The following WDR55 variants were observed in gnomAD, a reference collection of about 807,000 sequenced individuals.
WDR55 encodes WD repeat-containing protein 55.
A neutral mutation model predicts 34.0 loss-of-function variants in WDR55; 31 were observed. The observed-to-expected ratio is 0.91, with a 90% CI of 0.69 to 1.23. The LOEUF is 1.23. WDR55 is among the 50% of genes most tolerant of loss of function. WDR55 has a pLI of 0.00. For synonymous variants in WDR55, 164 were observed against 185.9 expected, an observed-to-expected ratio of 0.88 and a Z score of 0.96; for missense variants, 440 against 494.6, an observed-to-expected ratio of 0.89 and a Z score of 1.05.
intron 1 of WDR55, 73 bp from the exon 2 acceptor site, chr5:140,668,161 T>C: frequency 6.7e-7 from 1 of 1,487,354 alleles, no homozygotes; most frequent in Non-Finnish European, 9.0e-7. Context: ...GGCTGCTCTG[T>C]CTAGTTGGTC....
rs1042383882 is a variant in WDR55, at chr5:140,671,700, C to T, written c.*2046C>T. On this transcript the variant is annotated 3_prime_UTR_variant, in exon 7 of 7. Coordinates refer to ENST00000358337, the MANE Select transcript of WDR55 (RefSeq NM_017706.5). The stretch of plus-strand genomic sequence containing the variant: ...TGCTGGCGAAGTCGCTGCTTCAGGT[C>T]TGGCTTGAGCCACTCCACAGCCACC... 6.3e-7 allele frequency: 1 copy of T among 1,585,082 alleles called. No homozygotes were observed. Among genetic ancestry groups the T allele is most frequent in the Non-Finnish European group, 8.6e-7 (1 of 1,165,490 alleles).
Position 140,669,000 on chromosome 5 carries a change from G to A in WDR55, c.660+10G>A. 1 of 1,614,198 alleles carries A rather than the reference G, an allele frequency of 6.2e-7. No individual in the cohort carries two copies. Among genetic ancestry groups the A allele is most frequent in the Non-Finnish European group, 8.5e-7 (1 of 1,180,036 alleles). ...TGTCACTCTCATGAAAGTACAGCTG[G>A]TTATGGTGGGATGGAGGGGTGTGTG... On this transcript the variant is annotated intron_variant, in intron 5 of 6. Transcript: ENST00000358337.
intron 1 of WDR55, chr5:140,666,836 C>T (rs1401742325): frequency 2.0e-6 from 2 of 985,224 alleles, no homozygotes; most frequent in African/African-American, 3.5e-5. Flanking sequence ...AATCTGTCAT[C>T]GGTTTTGTTC....
At position 140,668,461 on chromosome 5, in the gene WDR55, G is replaced by A. The variant is rs1317318155; in HGVS notation, c.339G>A (p.Val113=). The change falls in exon 3 of 7, where the codon GTG becomes GTA. Residue 113 remains valine (V), a synonymous_variant. Coordinates refer to ENST00000358337, the MANE Select transcript of WDR55 (RefSeq NM_017706.5). ...ACAAAGCCATCCATGTTCTAGATGTGGAGCAGGGCCAACTGGAAAGACGTG... is the reference window on the plus strand; with the variant it reads ...ACAAAGCCATCCATGTTCTAGATGTAGAGCAGGGCCAACTGGAAAGACGTG... ...SKDKAIHVLD[V]EQGQLERRVS... is the part of the protein sequence containing the mutation. 1.2e-6 allele frequency: 2 copies of A among 1,614,108 alleles called. No homozygotes were observed. Among genetic ancestry groups the A allele is most frequent in the Non-Finnish European group, 1.7e-6 (2 of 1,180,060 alleles).
At chr5:140,665,401 G>C (rs1488406067) in intron 1 of WDR55, among the ~76,000 whole-genome samples, 1 of 152,088 alleles carries the variant, frequency 6.6e-6, no homozygotes, top group Non-Finnish European at 1.5e-5. Context: ...CTCTGTCGCC[G>C]AGGCTGGAGT....
rs1758097410 is a variant in WDR55 at position 140,672,166 on chromosome 5, GTT to G, written c.*2514_*2515del. On this transcript the variant is annotated 3_prime_UTR_variant, in exon 7 of 7. Coordinates refer to ENST00000358337, the MANE Select transcript of WDR55 (RefSeq NM_017706.5). Reference sequence around the variant, plus strand: ...CTTGAGCAAATCAATTTCTCTAACAGTTTCCTCATAGCTTGAGGGTCCTGTGC... The same window carrying G: ...CTTGAGCAAATCAATTTCTCTAACAGTCCTCATAGCTTGAGGGTCCTGTGC... The G allele has an allele frequency of 1.8e-6, 1 of 568,460 alleles. No homozygotes were observed. Among genetic ancestry groups the G allele is most frequent in the Admixed American group, 3.1e-5 (1 of 32,330 alleles). 35.2% of individuals were successfully genotyped at this position (568,460 alleles called of 1,614,324 possible).
At position 140,668,854 on chromosome 5, in the gene WDR55, G is replaced by C. The variant is rs1177702021; in HGVS notation, c.561-37G>C. 6 of 1,614,020 alleles carry C rather than the reference G, an allele frequency of 3.7e-6. No individual in the cohort carries two copies. In the Admixed American group the frequency reaches 6.7e-5, roughly 18 times the overall value. On this transcript the variant is annotated intron_variant, in intron 4 of 6. Coordinates refer to ENST00000358337, the MANE Select transcript of WDR55 (RefSeq NM_017706.5). Reference sequence around the variant, plus strand: ...CTGTGTGAAATGTCTTCCTCAAATAGACCTTGCGTCTAAGCCTACTGCTCT... The same window carrying C: ...CTGTGTGAAATGTCTTCCTCAAATACACCTTGCGTCTAAGCCTACTGCTCT...
rs1758029377 is a variant in WDR55, at chr5:140,669,856, G to A, written c.*202G>A. On this transcript the variant is annotated 3_prime_UTR_variant, in exon 7 of 7. Coordinates refer to ENST00000358337, the MANE Select transcript of WDR55 (RefSeq NM_017706.5). ...TTGTCCTTCCACCTTAGCCTCTGGA[G>A]CAGCTGGGACTACAGGTGTGCACTA... 3.3e-6 allele frequency: 2 copies of A among 601,284 alleles called. No homozygotes were observed. Among genetic ancestry groups the A allele is most frequent in the Non-Finnish European group, 5.8e-6 (2 of 344,330 alleles). 37.2% of individuals were successfully genotyped at this position (601,284 alleles called of 1,614,324 possible). A position where few individuals can be genotyped will look rare whatever the true frequency, so the allele number is the denominator to read the frequency against.
At position 140,670,432 on chromosome 5, in the gene WDR55, T is replaced by A; in HGVS notation, c.*778T>A. 6.7e-6 allele frequency: 1 copy of A among 149,548 alleles called. No homozygotes were observed. Among genetic ancestry groups the A allele is most frequent in the Non-Finnish European group, 1.5e-5 (1 of 67,724 alleles). 9.3% of individuals were successfully genotyped at this position (149,548 alleles called of 1,614,324 possible). On this transcript the variant is annotated 3_prime_UTR_variant, in exon 7 of 7. Coordinates refer to ENST00000358337, the MANE Select transcript of WDR55 (RefSeq NM_017706.5). Reference sequence around the variant, plus strand: ...GGCGTGATCTTGGCTCACTGCAACCTCCGCCTCCCGGGTTCAAGCAATTCT... The same window carrying A: ...GGCGTGATCTTGGCTCACTGCAACCACCGCCTCCCGGGTTCAAGCAATTCT...
At position 140,669,331 on chromosome 5, in the gene WDR55, AG is replaced by A; in HGVS notation, c.832del. The A allele has an allele frequency of 6.2e-7, 1 of 1,610,426 alleles. No homozygotes were observed. Among genetic ancestry groups the A allele is most frequent in the Non-Finnish European group, 8.5e-7 (1 of 1,177,130 alleles). On this transcript the variant is annotated splice_acceptor_variant, in intron 6 of 6. Transcript: ENST00000358337. LOFTEE classifies it high-confidence loss of function. ...ACTCAACACTGTTCTTTCCCTGCCC[AG>A]GGCTGTGAACATCCTACCGAACCGA...
Position 140,669,479 on chromosome 5 carries a change from AGCTG to A in WDR55, c.978_981del (p.Gln326HisfsTer22). The A allele has an allele frequency of 6.2e-7, 1 of 1,614,156 alleles. No individual in the cohort carries two copies. Among genetic ancestry groups the A allele is most frequent in the Non-Finnish European group, 8.5e-7 (1 of 1,180,008 alleles). ...CGCCTCAAGTTTTGGGACATGGCCC[AGCTG>A]CGAGCTGTGGTGGTGGATGACTACC... is the stretch of plus-strand genomic sequence containing the variant. On this transcript the variant is annotated frameshift_variant, in exon 7 of 7. Coordinates refer to ENST00000358337, the MANE Select transcript of WDR55 (RefSeq NM_017706.5). LOFTEE classifies it high-confidence loss of function.
rs1758061922 is a variant in WDR55 at position 140,671,150 on chromosome 5, G to A, written c.*1496G>A. ...CTGCCCCCAGGTGCCATAGGTCCCTGTCCCAGCAGGGAGGCTGATGGGCCT... is the reference window on the plus strand; with the variant it reads ...CTGCCCCCAGGTGCCATAGGTCCCTATCCCAGCAGGGAGGCTGATGGGCCT... On this transcript the variant is annotated 3_prime_UTR_variant, in exon 7 of 7. Coordinates refer to ENST00000358337, the MANE Select transcript of WDR55 (RefSeq NM_017706.5). The A allele has an allele frequency of 2.8e-6, 3 of 1,073,214 alleles. No individual in the cohort carries two copies. The African/African-American group carries it at 4.7e-5, about 17-fold the overall frequency. 66.5% of individuals were successfully genotyped at this position (1,073,214 alleles called of 1,614,324 possible).
At chr5:140,667,284 T>C (rs1199273049) in intron 1 of WDR55, 6 of 381,974 alleles carry the variant, frequency 1.6e-5, no homozygotes, top group Non-Finnish European at 2.2e-5. Context: ...CCATGACTAT[T>C]GTGAAAAGGT....
rs1758095768 is a variant in WDR55 at position 140,672,108 on chromosome 5, A to C, written c.*2454A>C. 1.8e-6 allele frequency: 1 copy of C among 543,064 alleles called. No individual in the cohort carries two copies. The highest frequency in any genetic ancestry group is 3.3e-6 in the Non-Finnish European group (1 of 302,512). The allele number at this position is 543,064 out of a possible 1,614,324, so 33.6% of individuals were successfully genotyped here. A position where few individuals can be genotyped will look rare whatever the true frequency, so the allele number is the denominator to read the frequency against. On this transcript the variant is annotated 3_prime_UTR_variant, in exon 7 of 7. Coordinates refer to ENST00000358337, the MANE Select transcript of WDR55 (RefSeq NM_017706.5). ...TTCTCATAACAGTCTGAGGAAACAG[A>C]TTCTATAGTAGTAAAAAGCTCAGTT...
intron 1 of WDR55, among the ~76,000 whole-genome samples, chr5:140,665,453 G>A (rs1025737553): frequency 1.3e-5 from 2 of 152,148 alleles, no homozygotes; most frequent in African/African-American, 4.8e-5. Flanking sequence ...CCCCCTTCCG[G>A]GTTCAAGCAG....
chr5:140,666,597 G>GT, intron 1 of WDR55: 1 of 984,852 alleles, frequency 1.0e-6, no homozygotes, highest in Non-Finnish European at 1.2e-6. Flanking sequence ...TGAATGGTTG[G>GT]TAACCATATG....
In WDR55 at chr5:140,669,365, G is replaced by C. The variant is rs1758011904; in HGVS notation, c.863G>C (p.Gly288Ala). ...AVNILPNRVVGSVGQHTGEPV... is the reference protein window; with the variant it reads ...AVNILPNRVVASVGQHTGEPV... ...AACATCCTACCGAACCGAGTGGTGG[G>C]CAGTGTGGGCCAGCACACTGGGGAG... is the stretch of plus-strand genomic sequence containing the variant. Residue 288 changes from glycine to alanine, a missense_variant, in exon 7 of 7, where the codon GGC becomes GCC. Transcript: ENST00000358337. The C allele has an allele frequency of 6.2e-7, 1 of 1,612,666 alleles. No individual in the cohort carries two copies. Among genetic ancestry groups the C allele is most frequent in the Non-Finnish European group, 8.5e-7 (1 of 1,178,816 alleles).
rs1457072522 is a variant in WDR55, at chr5:140,671,887, G to C, written c.*2233G>C. On this transcript the variant is annotated 3_prime_UTR_variant, in exon 7 of 7. Transcript: ENST00000358337. Reference sequence around the variant, plus strand: ...GGTAGTGTGACCATGGGTAAGAAAAGACAATGAAGCCTTCAGCCTCCATTA... The same window carrying C: ...GGTAGTGTGACCATGGGTAAGAAAACACAATGAAGCCTTCAGCCTCCATTA... The C allele has an allele frequency of 1.0e-6, 1 of 967,196 alleles. No individual in the cohort carries two copies. The highest frequency in any genetic ancestry group is 1.6e-6 in the Non-Finnish European group (1 of 625,144). 59.9% of individuals were successfully genotyped at this position (967,196 alleles called of 1,614,324 possible).
intron 1 of WDR55, chr5:140,666,848 CTATTT>C (rs1757936856): frequency 4.1e-6 from 4 of 984,818 alleles, no homozygotes; most frequent in African/African-American, 1.8e-5. Flanking sequence ...GTTTTGTTCT[CTATTT>C]TATCTCCAAC....
Sources: gnomAD v4.1 joint callset for allele counts (sites outside exome capture counted in the v4.1 genomes callset) on GRCh38, gnomAD v4.1.1 for gene constraint, MANE v1.5 for transcripts, NCBI Gene and HGNC (gene_info 2026-07-23, HGNC 2026-07-21) for gene names.